Variants in KIAA1217 observed in about 807,000 individuals in gnomAD.
KIAA1217 encodes KIAA1217.
In KIAA1217, 88 loss-of-function variants were observed where a neutral mutation model predicts 163.9. The ratio of observed to expected loss-of-function variants is 0.54; its 90% CI spans 0.45 to 0.64. The LOEUF is 0.64. Among genes scored for constraint, KIAA1217 ranks in the 30% least tolerant of loss-of-function variants. The pLI is 0.00. For missense variants in KIAA1217, 2,372 were observed against 2,475.0 expected (o/e 0.96, Z 0.88); for synonymous variants, 903 against 923.1 (o/e 0.98, Z 0.39).
chr10:23,878,789 G>C (rs1840822671), intron 1 of KIAA1217, among the ~76,000 whole-genome samples: 1 of 151,860 alleles, frequency 6.6e-6, no homozygotes. Flanking sequence ...GAGGTGTTGA[G>C]CAGTGACAGG....
chr10:23,962,360 C>G (rs1589148525), intron 1 of KIAA1217, among the ~76,000 whole-genome samples: 1 of 152,316 alleles, frequency 6.6e-6, no homozygotes, highest in African/African-American at 2.4e-5. Context: ...TGCTTAATCA[C>G]TAGAACAGAT....
intron 2 of KIAA1217, among the ~76,000 whole-genome samples, chr10:24,379,899 A>G (rs907741123): frequency 6.6e-6 from 1 of 152,116 alleles, no homozygotes; most frequent in African/African-American, 2.4e-5. Flanking sequence ...TAAAAATACA[A>G]AAATTAGCTG....
At chr10:24,130,924 A>T (rs1238086954) in intron 2 of KIAA1217, among the ~76,000 whole-genome samples, 1 of 152,168 alleles carries the variant, frequency 6.6e-6, no homozygotes, top group Admixed American at 6.6e-5. Context: ...CAAGCCTCTA[A>T]CTTTCCTTGG....
At chr10:24,096,813 T>A (rs2062181620) in intron 2 of KIAA1217, among the ~76,000 whole-genome samples, 1 of 152,232 alleles carries the variant, frequency 6.6e-6, no homozygotes, top group Non-Finnish European at 1.5e-5. Context: ...ATAGTTTCTC[T>A]TTCTGAGCAT....
intron 1 of KIAA1217, among the ~76,000 whole-genome samples, chr10:23,715,324 G>A (rs768709464): frequency 2.6e-5 from 4 of 152,082 alleles, no homozygotes; most frequent in Non-Finnish European, 4.4e-5. Flanking sequence ...TTATCCCTTT[G>A]GTGTTTAGCC....
intron 2 of KIAA1217, among the ~76,000 whole-genome samples, chr10:24,170,497 G>A (rs2065576366): frequency 6.6e-6 from 1 of 152,170 alleles, no homozygotes; most frequent in Non-Finnish European, 1.5e-5. Flanking sequence ...TCACAGGGAT[G>A]CACTGTCTGA....
chr10:23,710,892 T>A (rs1837209723), intron 1 of KIAA1217, among the ~76,000 whole-genome samples: 1 of 152,200 alleles, frequency 6.6e-6, no homozygotes, highest in South Asian at 2.1e-4. Flanking sequence ...GTCTGATCAA[T>A]AAAGCAAACC....
chr10:24,206,341 G>A (rs911737907), upstream of KIAA1217, among the ~76,000 whole-genome samples: 3 of 152,190 alleles, frequency 2.0e-5, no homozygotes, highest in Non-Finnish European at 4.4e-5. Context: ...CCTACTTCTA[G>A]TTCAAATAGT....
At chr10:24,487,174 C>T (rs1221410265) in intron 6 of KIAA1217, among the ~76,000 whole-genome samples, 2 of 152,232 alleles carry the variant, frequency 1.3e-5, no homozygotes, top group Non-Finnish European at 2.9e-5. Flanking sequence ...GCATCATTCA[C>T]ATCTCACCTA....
intron 1 of KIAA1217, among the ~76,000 whole-genome samples, chr10:23,983,511 T>C (rs933800686): frequency 2.0e-5 from 3 of 152,048 alleles, no homozygotes; most frequent in Non-Finnish European, 2.9e-5. Context: ...GAGAAGGTGC[T>C]ACACACTTTT....
intron 2 of KIAA1217, among the ~76,000 whole-genome samples, chr10:24,313,525 C>T (rs545627837): frequency 1.1e-4 from 16 of 152,190 alleles, no homozygotes; most frequent in African/African-American, 2.4e-4. Context: ...TAAAGCTGCC[C>T]GGGGTTAGCG....
chr10:24,132,675 G>A (rs535622460), intron 2 of KIAA1217, among the ~76,000 whole-genome samples: 3 of 152,218 alleles, frequency 2.0e-5, no homozygotes, highest in Non-Finnish European at 2.9e-5. Flanking sequence ...AATTTCCAGC[G>A]GAATATCAAG....
intron 1 of KIAA1217, among the ~76,000 whole-genome samples, chr10:23,789,789 C>T (rs1835654135): frequency 6.6e-6 from 1 of 151,662 alleles, no homozygotes; most frequent in South Asian, 2.1e-4. Context: ...TTCTCTAACA[C>T]TTACTAAGCT....
At chr10:24,105,401 T>C (rs1262253755) in intron 2 of KIAA1217, among the ~76,000 whole-genome samples, 1 of 152,122 alleles carries the variant, frequency 6.6e-6, no homozygotes, top group Non-Finnish European at 1.5e-5. Flanking sequence ...TACTGGGAGA[T>C]ATTCATGTAT....
At chr10:24,114,266 A>G (rs1461243288) in intron 2 of KIAA1217, among the ~76,000 whole-genome samples, 1 of 152,282 alleles carries the variant, frequency 6.6e-6, no homozygotes, top group South Asian at 2.1e-4. Flanking sequence ...GATGCAGCAC[A>G]CCAGCATGGC....
chr10:24,215,014 C>T (rs781750451), intron 1 of KIAA1217, among the ~76,000 whole-genome samples: 18 of 152,210 alleles, frequency 1.2e-4, no homozygotes, highest in Middle Eastern at 3.2e-3. Flanking sequence ...ACTTGCAGTG[C>T]GGCTTTCTCC....
intron 1 of KIAA1217, among the ~76,000 whole-genome samples, chr10:23,938,862 C>A (rs1843642553): frequency 6.6e-6 from 1 of 151,952 alleles, no homozygotes; most frequent in Non-Finnish European, 1.5e-5. Flanking sequence ...GTATGACATT[C>A]AATAAAAATT....
At chr10:24,322,981 C>T (rs1004927296) in intron 2 of KIAA1217, among the ~76,000 whole-genome samples, 1 of 152,166 alleles carries the variant, frequency 6.6e-6, no homozygotes, top group Non-Finnish European at 1.5e-5. Flanking sequence ...TCTCACTCTA[C>T]TGGCTACCGG....
At chr10:24,330,787 T>A (rs1019778819) in intron 2 of KIAA1217, among the ~76,000 whole-genome samples, 16 of 151,804 alleles carry the variant, frequency 1.1e-4, no homozygotes, top group African/African-American at 3.9e-4. Flanking sequence ...GCTAATTTTT[T>A]AATTTTTTGT....
Sources: allele counts gnomAD v4.1 joint callset (sites outside exome capture counted in the v4.1 genomes callset), GRCh38; gene constraint gnomAD v4.1.1; transcripts MANE v1.5; gene names NCBI Gene and HGNC (gene_info 2026-07-23, HGNC 2026-07-21).